LRRTM4: variants seen among roughly 807,000 people sequenced by gnomAD.
The protein encoded by LRRTM4 is leucine rich repeat transmembrane neuronal 4.
A neutral mutation model predicts 47.6 loss-of-function variants in LRRTM4; 25 were observed. The observed-to-expected ratio is 0.53, with a 90% CI of 0.38 to 0.73. LRRTM4 has a LOEUF of 0.73. LRRTM4 is among the 30% of genes least tolerant of loss of function. LRRTM4 has a pLI of 0.00. For missense variants in LRRTM4, 638 were observed against 713.4 expected (o/e 0.89, Z 1.20); for synonymous variants, 311 against 269.5 (o/e 1.15, Z -1.51).
At chr2:77,299,359 ATG>A (rs913441523) in intron 3 of LRRTM4, among the ~76,000 whole-genome samples, 18 of 151,218 alleles carry the variant, frequency 1.2e-4, no homozygotes, top group Admixed American at 2.6e-4. Flanking sequence ...ATATGTATAT[ATG>A]TGTGTATATA....
chr2:77,391,854 AT>A (rs1389636259), intron 3 of LRRTM4, among the ~76,000 whole-genome samples: 1 of 151,968 alleles, frequency 6.6e-6, no homozygotes, highest in African/African-American at 2.4e-5. Context: ...TAAAACAGAG[AT>A]TCTAAGACTG....
At chr2:77,052,486 A>C (rs1283484182) in intron 3 of LRRTM4, among the ~76,000 whole-genome samples, 1 of 151,934 alleles carries the variant, frequency 6.6e-6, no homozygotes, top group Admixed American at 6.6e-5. Context: ...CCCTTTTCAT[A>C]AAAGAGATAA....
chr2:77,210,580 A>G (rs916858612), intron 3 of LRRTM4, among the ~76,000 whole-genome samples: 7 of 151,958 alleles, frequency 4.6e-5, no homozygotes, highest in African/African-American at 1.7e-4. Flanking sequence ...ATTCCCCACA[A>G]TCTTTACCTG....
At chr2:77,063,550 A>G (rs565536669) in intron 3 of LRRTM4, among the ~76,000 whole-genome samples, 1 of 152,274 alleles carries the variant, frequency 6.6e-6, no homozygotes, top group South Asian at 2.1e-4. Flanking sequence ...CAGAAGATAC[A>G]TGTGTAGTCT....
intron 3 of LRRTM4, among the ~76,000 whole-genome samples, chr2:76,961,617 A>G (rs1675864108): frequency 6.6e-6 from 1 of 151,354 alleles, no homozygotes; most frequent in South Asian, 2.1e-4. Flanking sequence ...TGTTGGACCA[A>G]TAGTAAGAAA....
intron 3 of LRRTM4, among the ~76,000 whole-genome samples, chr2:77,402,162 A>G (rs941337604): frequency 1.3e-5 from 2 of 151,950 alleles, no homozygotes; most frequent in African/African-American, 2.4e-5. Flanking sequence ...CTAAAAATGT[A>G]TGAGACAGGG....
At chr2:77,215,260 G>A (rs538742140) in intron 3 of LRRTM4, among the ~76,000 whole-genome samples, 1 of 152,266 alleles carries the variant, frequency 6.6e-6, no homozygotes, top group Admixed American at 6.5e-5. Flanking sequence ...AAATGATTAT[G>A]GAAGAAGATT....
chr2:76,795,087 G>T (rs140440540), intron 3 of LRRTM4, among the ~76,000 whole-genome samples: 4 of 151,704 alleles, frequency 2.6e-5, no homozygotes, highest in Admixed American at 6.6e-5. Context: ...TAACATAGAC[G>T]GCAGATATGA....
intron 3 of LRRTM4, among the ~76,000 whole-genome samples, chr2:77,515,717 T>G (rs1020954299): frequency 6.6e-6 from 1 of 152,000 alleles, no homozygotes; most frequent in Non-Finnish European, 1.5e-5. Flanking sequence ...CTCAGCATAC[T>G]TATACTATTC....
chr2:76,857,714 G>A (rs1372320147), intron 3 of LRRTM4, among the ~76,000 whole-genome samples: 2 of 152,138 alleles, frequency 1.3e-5, no homozygotes, highest in African/African-American at 2.4e-5. Context: ...TGTGTCAGCA[G>A]TTGTGCCTGT....
intron 3 of LRRTM4, among the ~76,000 whole-genome samples, chr2:76,773,508 C>G (rs1219828514): frequency 1.3e-5 from 2 of 151,978 alleles, no homozygotes; most frequent in Non-Finnish European, 2.9e-5. Context: ...ACACATTTTT[C>G]ATTATGATTT....
intron 3 of LRRTM4, among the ~76,000 whole-genome samples, chr2:77,086,408 T>TTGTGTGTGTG (rs1558571412): frequency 5.3e-5 from 5 of 94,210 alleles, no homozygotes; most frequent in African/African-American, 2.2e-4. Flanking sequence ...TAAACATTTT[T>TTGTGTGTGTG]AGTGTGTGTA....
At chr2:77,496,065 G>A (rs1030673885) in intron 3 of LRRTM4, among the ~76,000 whole-genome samples, 7 of 151,720 alleles carry the variant, frequency 4.6e-5, no homozygotes, top group Middle Eastern at 3.2e-3. Flanking sequence ...TCAGAGTACA[G>A]GTTTTGGCTA....
At chr2:77,274,296 T>A (rs947282960) in intron 3 of LRRTM4, among the ~76,000 whole-genome samples, 4 of 152,178 alleles carry the variant, frequency 2.6e-5, no homozygotes, top group African/African-American at 9.7e-5. Context: ...GGGTTTTAAA[T>A]GTTCTTTCAG....
intron 3 of LRRTM4, among the ~76,000 whole-genome samples, chr2:77,366,645 C>G (rs922378788): frequency 1.2e-4 from 18 of 151,896 alleles, no homozygotes; most frequent in African/African-American, 4.3e-4. Flanking sequence ...GCCCCTAAAA[C>G]TTGATCACTT....
chr2:76,785,853 C>G (rs78357646), intron 3 of LRRTM4, among the ~76,000 whole-genome samples: 4,595 of 152,174 alleles, frequency 0.03, 248 homozygotes, highest in African/African-American at 0.1. Context: ...AGACAAGGAT[C>G]AGCCAGACCT....
intron 3 of LRRTM4, among the ~76,000 whole-genome samples, chr2:77,467,099 G>A (rs149972643): frequency 4.3e-4 from 66 of 152,156 alleles, no homozygotes; most frequent in African/African-American, 1.5e-3. Flanking sequence ...AATAAAACAG[G>A]CTGTTTTGTT....
intron 3 of LRRTM4, among the ~76,000 whole-genome samples, chr2:77,326,085 G>C (rs1480617509): frequency 6.6e-6 from 1 of 152,140 alleles, no homozygotes; most frequent in Non-Finnish European, 1.5e-5. Context: ...AGGAGCCAAA[G>C]ACACAGAGAT....
Position 76,756,118 on chromosome 2 carries a change from T to C in LRRTM4, c.1552-7202A>G, listed in dbSNP as rs188846993. On this transcript the variant is annotated intron_variant, in intron 3 of 3. Coordinates refer to ENST00000409884, the MANE Select transcript of LRRTM4 (RefSeq NM_001134745.3). ...TACAGATCATTTTGACCCAGTATGC[T>C]GTGGTTTGCTCTCACAGCCTGACTC... 4.5e-3 allele frequency among the ~76,000 whole-genome samples: 679 copies of C among 152,324 alleles called. 14 individuals are homozygous for C. In the South Asian group the frequency reaches 0.063, roughly 14 times the overall value.
Sources: gnomAD v4.1 joint callset for allele counts (sites outside exome capture counted in the v4.1 genomes callset) on GRCh38, gnomAD v4.1.1 for gene constraint, MANE v1.5 for transcripts, NCBI Gene and HGNC (gene_info 2026-07-23, HGNC 2026-07-21) for gene names.